Variants in XKR4 observed in about 807,000 individuals in gnomAD.
XKR4 encodes the protein XK-related protein 4.
XKR4 carries 12 observed loss-of-function variants against 53.9 expected under a neutral mutation model. That is an observed-to-expected ratio of 0.22 (90% CI 0.14 to 0.36). The LOEUF (loss-of-function observed/expected upper bound fraction) is 0.36. Ranked by LOEUF, XKR4 falls within the 10% of genes least tolerant of loss-of-function variation. The probability of loss-of-function intolerance (pLI) is 1.00; values close to 1 mark genes in which losing one functional copy is unlikely to be tolerated. For synonymous variants in XKR4, 354 were observed against 362.4 expected, an observed-to-expected ratio of 0.98 and a Z score of 0.26; for missense variants, 799 against 859.5, an observed-to-expected ratio of 0.93 and a Z score of 0.88.
chr8:55,416,024 A>C (rs1688310857), intron 2 of XKR4, among the ~76,000 whole-genome samples: 2 of 152,080 alleles, frequency 1.3e-5, no homozygotes, highest in South Asian at 4.2e-4. Flanking sequence ...TGTCTTTAGG[A>C]GTAAGTATAG....
chr8:55,138,090 C>T (rs893187755), intron 1 of XKR4, among the ~76,000 whole-genome samples: 4 of 152,100 alleles, frequency 2.6e-5, no homozygotes, highest in East Asian at 3.8e-4. Flanking sequence ...ATGACTTTGG[C>T]GTTCTACAAT....
chr8:55,173,281 C>T (rs574130813), intron 1 of XKR4, among the ~76,000 whole-genome samples: 9 of 151,958 alleles, frequency 5.9e-5, no homozygotes, highest in Non-Finnish European at 1.2e-4. Context: ...GGCACAGGGG[C>T]TCCCATCAAC....
intron 1 of XKR4, among the ~76,000 whole-genome samples, chr8:55,133,148 C>T (rs759949700): frequency 5.3e-5 from 8 of 152,010 alleles, no homozygotes; most frequent in Non-Finnish European, 1.0e-4. Flanking sequence ...AATTCATGTT[C>T]AAGAAAAATA....
intron 1 of XKR4, among the ~76,000 whole-genome samples, chr8:55,160,338 A>G (rs1008426019): frequency 2.0e-5 from 3 of 152,190 alleles, no homozygotes; most frequent in African/African-American, 7.2e-5. Flanking sequence ...ATAAGCTGGA[A>G]AGGAGGGGAG....
chr8:55,169,572 G>A (rs138520680), intron 1 of XKR4, among the ~76,000 whole-genome samples: 2 of 152,292 alleles, frequency 1.3e-5, no homozygotes, highest in East Asian at 3.9e-4. Flanking sequence ...TACCAGGTTG[G>A]CCCTTCCACA....
chr8:55,495,569 G>A (rs1420027791), intron 2 of XKR4, among the ~76,000 whole-genome samples: 5 of 152,322 alleles, frequency 3.3e-5, no homozygotes, highest in Non-Finnish European at 7.3e-5. Context: ...TTCCAGGGTC[G>A]TGGGCTCCAG....
intron 2 of XKR4, among the ~76,000 whole-genome samples, chr8:55,458,268 G>T (rs539271190): frequency 1.5e-4 from 23 of 152,342 alleles, no homozygotes; most frequent in South Asian, 6.2e-4. Flanking sequence ...GAAGGGGTTG[G>T]CTTGTTTACT....
At position 55,445,545 on chromosome 8, in the gene XKR4, G is replaced by A. The variant is rs568743814; in HGVS notation, c.1007-77736G>A. ...AAATATTTTCTCCCTAAGAGAAAAG[G>A]CCCTAGAAATCAGAGTTTAAAATTT... On this transcript the variant is annotated intron_variant, in intron 2 of 2. Coordinates refer to ENST00000327381, the MANE Select transcript of XKR4 (RefSeq NM_052898.2). Among the ~76,000 whole-genome samples the A allele has an allele frequency of 3.3e-5, 5 of 152,226 alleles. No homozygotes were observed. In the East Asian group the frequency reaches 7.7e-4, roughly 24 times the overall value.
intron 1 of XKR4, among the ~76,000 whole-genome samples, chr8:55,204,023 C>T (rs954983631): frequency 5.9e-5 from 9 of 151,944 alleles, no homozygotes; most frequent in Admixed American, 5.3e-4. Context: ...TTTGTTTGTT[C>T]GTTTTTAGAC....
At chr8:55,247,348 T>C (rs1037540333) in intron 1 of XKR4, among the ~76,000 whole-genome samples, 1 of 152,230 alleles carries the variant, frequency 6.6e-6, no homozygotes, top group Admixed American at 6.5e-5. Context: ...CTATAGGACT[T>C]CTTAAAGGAA....
chr8:55,142,299 C>T (rs1015453239), intron 1 of XKR4: 2 of 413,012 alleles, frequency 4.8e-6, no homozygotes, highest in Non-Finnish European at 9.8e-6. Context: ...GGGTATAGTA[C>T]ACACTGGTCT....
chr8:55,248,445 A>C (rs1563492683), intron 1 of XKR4, among the ~76,000 whole-genome samples: 1 of 152,246 alleles, frequency 6.6e-6, no homozygotes, highest in Non-Finnish European at 1.5e-5. Flanking sequence ...GCCAAGTCTG[A>C]AAGTCAGATT....
At chr8:55,293,155 T>G (rs2129375712) in intron 1 of XKR4, among the ~76,000 whole-genome samples, 1 of 152,158 alleles carries the variant, frequency 6.6e-6, no homozygotes. Flanking sequence ...CTCAACATGG[T>G]GAAACACCAT....
At chr8:55,380,205 CA>C (rs199846082) in intron 2 of XKR4, among the ~76,000 whole-genome samples, 4,171 of 152,262 alleles carry the variant, frequency 0.027, 165 homozygotes, top group African/African-American at 0.094. Flanking sequence ...CTTGAGAAAT[CA>C]TAGGTTTTAG....
At chr8:55,207,335 G>C (rs1414559885) in intron 1 of XKR4, among the ~76,000 whole-genome samples, 2 of 152,148 alleles carry the variant, frequency 1.3e-5, no homozygotes, top group African/African-American at 2.4e-5. Context: ...TACAAATAGA[G>C]ATTCAGGATG....
At chr8:55,498,059 G>A (rs899382700) in intron 2 of XKR4, among the ~76,000 whole-genome samples, 2 of 152,148 alleles carry the variant, frequency 1.3e-5, no homozygotes, top group South Asian at 2.1e-4. Flanking sequence ...GCAGGGCTCC[G>A]CTTGGGGTTT....
chr8:55,303,639 G>T (rs1370915659), intron 1 of XKR4, among the ~76,000 whole-genome samples: 1 of 151,876 alleles, frequency 6.6e-6, no homozygotes, highest in East Asian at 1.9e-4. Context: ...GACTTTTTTT[G>T]GTTGGTAAGC....
rs76363936 is a variant in XKR4, at chr8:55,116,773, G to A, written c.806+13479G>A. Among the ~76,000 whole-genome samples, 928 of 152,224 alleles carry A rather than the reference G, an allele frequency of 6.1e-3. 9 individuals are homozygous for A. Among genetic ancestry groups the A allele is most frequent in the African/African-American group, 0.021 (891 of 41,538 alleles). ...GGTTCCCTCCCCCATCTATGTGCTG[G>A]GAGGTGATTTTTTGGTTCAGTGTTC... On this transcript the variant is annotated intron_variant, in intron 1 of 2. Transcript: ENST00000327381.
intron 1 of XKR4, among the ~76,000 whole-genome samples, chr8:55,304,442 G>A (rs1260444685): frequency 6.6e-6 from 1 of 152,202 alleles, no homozygotes; most frequent in African/African-American, 2.4e-5. Flanking sequence ...TGGAATAGGT[G>A]TGGTGTGGTG....
Sources: gnomAD v4.1 joint callset for allele counts (sites outside exome capture counted in the v4.1 genomes callset) on GRCh38, gnomAD v4.1.1 for gene constraint, MANE v1.5 for transcripts, NCBI Gene and HGNC (gene_info 2026-07-23, HGNC 2026-07-21) for gene names.